The following ABTB3 variants were observed in gnomAD, a reference collection of about 807,000 sequenced individuals.
ABTB3 encodes the protein ankyrin repeat and BTB domain containing 3.
the ABTB3 span, among the ~76,000 whole-genome samples, chr12:107,460,287 G>A: frequency 6.6e-6 from 1 of 152,234 alleles, no homozygotes; most frequent in South Asian, 2.1e-4. Context: ...CTCACTGGAA[G>A]ATGGGAAAGC....
the ABTB3 span, among the ~76,000 whole-genome samples, chr12:107,407,111 C>G: frequency 4.3e-4 from 66 of 152,326 alleles, 1 homozygote; most frequent in Admixed American, 2.9e-3. Flanking sequence ...GCACTTACAA[C>G]AGTGCTTGCC....
the ABTB3 span, chr12:107,658,829 C>T: frequency 6.6e-6 from 1 of 152,490 alleles, no homozygotes; most frequent in Non-Finnish European, 1.5e-5. Context: ...TTGTTACTAG[C>T]CAGAGAGTAT....
chr12:107,547,417 T>C, the ABTB3 span, among the ~76,000 whole-genome samples: 1 of 152,156 alleles, frequency 6.6e-6, no homozygotes, highest in Non-Finnish European at 1.5e-5. Flanking sequence ...ACAGTGTCCA[T>C]TTTCCCTCTT....
the ABTB3 span, among the ~76,000 whole-genome samples, chr12:107,403,562 TG>T: frequency 1.1e-4 from 16 of 152,212 alleles, no homozygotes; most frequent in Non-Finnish European, 1.3e-4. Flanking sequence ...AATGAGATCA[TG>T]TCTGTAAACT....
At chr12:107,399,055 A>C in the ABTB3 span, among the ~76,000 whole-genome samples, 1 of 152,222 alleles carries the variant, frequency 6.6e-6, no homozygotes, top group African/African-American at 2.4e-5. Flanking sequence ...TATAATATAC[A>C]GACATACATT....
At chr12:107,598,224 A>G in the ABTB3 span, among the ~76,000 whole-genome samples, 2 of 152,214 alleles carry the variant, frequency 1.3e-5, no homozygotes, top group Non-Finnish European at 2.9e-5. Flanking sequence ...GTGTTTGCCA[A>G]TTTCCATGGT....
chr12:107,641,982 T>C, the ABTB3 span: 1 of 1,001,728 alleles, frequency 1.0e-6, no homozygotes, highest in South Asian at 1.3e-5. Flanking sequence ...TATTTCAGAT[T>C]TGCAGGGGAA....
chr12:107,397,805 C>T, the ABTB3 span, among the ~76,000 whole-genome samples: 1 of 152,098 alleles, frequency 6.6e-6, no homozygotes, highest in African/African-American at 2.4e-5. Context: ...GGGGTCTAAT[C>T]TAATTTTTTT....
the ABTB3 span, among the ~76,000 whole-genome samples, chr12:107,339,680 CGT>C: frequency 0.42 from 62,877 of 148,736 alleles, 15,537 homozygotes; most frequent in African/African-American, 0.7. Context: ...TGTGCATGCA[CGT>C]GTGTGTGTGT....
chr12:107,515,502 G>A, the ABTB3 span, among the ~76,000 whole-genome samples: 1 of 152,292 alleles, frequency 6.6e-6, no homozygotes, highest in African/African-American at 2.4e-5. Context: ...ACTTTTTGCA[G>A]TGAACTCTTT....
the ABTB3 span, among the ~76,000 whole-genome samples, chr12:107,518,211 C>G: frequency 6.6e-6 from 1 of 152,160 alleles, no homozygotes; most frequent in Admixed American, 6.5e-5. Flanking sequence ...GGCGATTCCT[C>G]AGGGATCTAG....
chr12:107,388,824 C>T, the ABTB3 span, among the ~76,000 whole-genome samples: 7 of 152,202 alleles, frequency 4.6e-5, no homozygotes, highest in African/African-American at 1.2e-4. Context: ...TGCTCAAAGA[C>T]GAATAATGAA....
chr12:107,627,570 C>T, the ABTB3 span, among the ~76,000 whole-genome samples: 1 of 152,226 alleles, frequency 6.6e-6, no homozygotes, highest in Non-Finnish European at 1.5e-5. Flanking sequence ...CAGGGTTTTA[C>T]CTGCAGTGCA....
At chr12:107,482,813 C>CTTTCTTTCTTTCTT in the ABTB3 span, among the ~76,000 whole-genome samples, 1 of 147,940 alleles carries the variant, frequency 6.8e-6, no homozygotes, top group Non-Finnish European at 1.5e-5. Context: ...CTTTTTTTTT[C>CTTTCTTTCTTTCTT]TTTCTTTCTT....
the ABTB3 span, among the ~76,000 whole-genome samples, chr12:107,429,862 C>T: frequency 6.6e-6 from 1 of 152,238 alleles, no homozygotes; most frequent in Non-Finnish European, 1.5e-5. Context: ...GTGGCTGTAA[C>T]AAGCATAGCA....
the ABTB3 span, among the ~76,000 whole-genome samples, chr12:107,578,886 T>C: frequency 6.6e-6 from 1 of 152,162 alleles, no homozygotes; most frequent in African/African-American, 2.4e-5. Flanking sequence ...AGTAAGAAAT[T>C]GGTAAATCTT....
At chr12:107,586,383 G>A in the ABTB3 span, among the ~76,000 whole-genome samples, 2 of 152,224 alleles carry the variant, frequency 1.3e-5, no homozygotes, top group East Asian at 1.9e-4. Context: ...TGAGGCCTTG[G>A]AAAGCTCCCC....
At chr12:107,569,756 GT>G in the ABTB3 span, among the ~76,000 whole-genome samples, 2 of 152,224 alleles carry the variant, frequency 1.3e-5, no homozygotes, top group African/African-American at 4.8e-5. Context: ...AATAGCTGGT[GT>G]TTAAACAAGA....
At chr12:107,503,746 G>A in the ABTB3 span, among the ~76,000 whole-genome samples, 1 of 64,478 alleles carries the variant, frequency 1.6e-5, no homozygotes, top group Non-Finnish European at 2.7e-5. Context: ...GATAGAGCAA[G>A]ACCCTATCTC....
Sources: allele counts gnomAD v4.1 joint callset (sites outside exome capture counted in the v4.1 genomes callset), GRCh38; gene constraint gnomAD v4.1.1; transcripts MANE v1.5; gene names NCBI Gene and HGNC (gene_info 2026-07-23, HGNC 2026-07-21).